Variants in PC observed in about 807,000 individuals in gnomAD.
PC encodes pyruvate carboxylase, mitochondrial.
PC carries 46 observed loss-of-function variants against 107.8 expected under a neutral mutation model. The ratio of observed to expected loss-of-function variants is 0.43; its 90% CI spans 0.34 to 0.55. PC has a LOEUF of 0.55. Ranked by LOEUF, PC falls within the 20% of genes least tolerant of loss-of-function variation. PC has a pLI of 0.04. For missense variants in PC, 1,241 were observed against 1,643.1 expected (o/e 0.76, Z 4.23); for synonymous variants, 662 against 684.7 (o/e 0.97, Z 0.52).
rs2135938236 is a variant in PC at position 66,870,913 on chromosome 11, C to T, written c.634-21G>A. Reference sequence around the variant, plus strand: ...AGCTCCTGCGAGGGCGGGCAGGGGCCAGCCAGACCTCAGACCCCACAGCGC... The same window carrying T: ...AGCTCCTGCGAGGGCGGGCAGGGGCTAGCCAGACCTCAGACCCCACAGCGC... On this transcript the variant is annotated intron_variant, in intron 7 of 22. Coordinates refer to ENST00000393960, the MANE Select transcript of PC (RefSeq NM_001040716.2). The surrounding 1 kb of genome is among the most constrained non-coding windows in gnomAD (Gnocchi z 6.1). The T allele has an allele frequency of 1.2e-6, 2 of 1,608,848 alleles. No individual in the cohort carries two copies.
rs767255097 is a variant in PC, at chr11:66,863,870, G to A, written c.1272C>T (p.Ser424=). 1.5e-5 allele frequency: 24 copies of A among 1,613,998 alleles called. No individual in the cohort carries two copies. The highest frequency in any genetic ancestry group is 1.6e-4 in the Middle Eastern group (1 of 6,084). The change falls in exon 12 of 23, where the codon TCC becomes TCT. Residue 424 remains serine (S), a synonymous_variant. Transcript: ENST00000393960. ...CGTGGGCAATGACTTTGACCAGCAG[G>A]GAGTCGTAGTGGGGCGAGATGACGG... ...QGAVISPHYD[S]LLVKVIAHGK...
intron 3 of PC, among the ~76,000 whole-genome samples, chr11:66,888,233 G>A (rs1301941315): frequency 6.6e-6 from 1 of 152,252 alleles, no homozygotes; most frequent in African/African-American, 2.4e-5. Context: ...GTCTTCAGCA[G>A]TGACATGGAG....
chr11:66,914,126 C>T (rs868843148), intron 3 of PC, among the ~76,000 whole-genome samples: 1 of 152,214 alleles, frequency 6.6e-6, no homozygotes, highest in Admixed American at 6.5e-5. Flanking sequence ...TTTCTCCCTA[C>T]TGGATAAAAC....
rs764650207 is a variant in PC at position 66,858,275 on chromosome 11, C to A, written c.1369-4892G>T. ...CTGCCCTGCACACCCTCAACCTGGA[C>A]CATAACCTTATTGACGCACTGCCCC... On this transcript the variant is annotated intron_variant, in intron 12 of 22. Transcript: ENST00000393960. The surrounding 1 kb of genome is among the most constrained non-coding windows in gnomAD (Gnocchi z 5.9). 1.9e-6 allele frequency: 3 copies of A among 1,612,142 alleles called. No homozygotes were observed. Among genetic ancestry groups the A allele is most frequent in the South Asian group, 2.2e-5 (2 of 91,086 alleles).
intron 16 of PC, 145 bp from the exon 17 acceptor site, chr11:66,851,425 G>C (rs113778313): frequency 1.1e-5 from 13 of 1,229,674 alleles, no homozygotes; most frequent in Non-Finnish European, 1.1e-5. Context: ...ATCCACAGGC[G>C]GGGGGTGGCC....
chr11:66,918,514 A>G (rs1407621636), intron 3 of PC, among the ~76,000 whole-genome samples: 1 of 151,634 alleles, frequency 6.6e-6, no homozygotes, highest in African/African-American at 2.4e-5. Flanking sequence ...CTGGGATTAC[A>G]TGCACGCGCC....
chr11:66,886,488 G>A (rs903092525), intron 3 of PC, among the ~76,000 whole-genome samples: 3 of 152,150 alleles, frequency 2.0e-5, no homozygotes, highest in African/African-American at 7.2e-5. Flanking sequence ...GGGGAAGCTG[G>A]ATTTGAGAAG....
chr11:66,915,283 C>T (rs926477299), intron 3 of PC, among the ~76,000 whole-genome samples: 3 of 152,192 alleles, frequency 2.0e-5, no homozygotes, highest in South Asian at 2.1e-4. Context: ...CTGCCTGCTG[C>T]GAGAGGCAGA....
intron 3 of PC, among the ~76,000 whole-genome samples, chr11:66,881,544 G>A (rs567589443): frequency 5.9e-5 from 9 of 152,336 alleles, no homozygotes; most frequent in South Asian, 2.1e-4. Flanking sequence ...GGGCCTGGCC[G>A]TCACCTGCCC....
intron 12 of PC, chr11:66,860,165 C>A: frequency 6.5e-7 from 1 of 1,547,548 alleles, no homozygotes; most frequent in East Asian, 2.4e-5. Context: ...TAGGAGGCAG[C>A]GCCGAGCGGC....
intron 3 of PC, among the ~76,000 whole-genome samples, chr11:66,928,248 G>A (rs938274676): frequency 1.6e-4 from 24 of 151,994 alleles, no homozygotes; most frequent in African/African-American, 4.4e-4. Context: ...TTAGCCAGGC[G>A]CGGTGGTGGA....
At chr11:66,854,712 C>T (rs770304093) in intron 12 of PC, among the ~76,000 whole-genome samples, 31 of 152,150 alleles carry the variant, frequency 2.0e-4, no homozygotes, top group Non-Finnish European at 3.5e-4. Flanking sequence ...CTCAAGGCCA[C>T]CCAGACTCCT....
intron 3 of PC, among the ~76,000 whole-genome samples, chr11:66,911,889 G>A (rs914983506): frequency 6.6e-5 from 10 of 151,952 alleles, no homozygotes; most frequent in South Asian, 2.1e-4. Context: ...AAAATTAGCC[G>A]GGTGTGGTGG....
At chr11:66,900,727 AATTT>A (rs1465615678) in intron 3 of PC, among the ~76,000 whole-genome samples, 1 of 152,120 alleles carries the variant, frequency 6.6e-6, no homozygotes, top group African/African-American at 2.4e-5. Flanking sequence ...ACTTTTATTA[AATTT>A]ATTCCCAAAT....
rs1209275462 is a variant in PC at position 66,866,362 on chromosome 11, G to A, written c.1023-13C>T. The stretch of plus-strand genomic sequence containing the variant: ...GACCAGGTCTACGCTGTAGGGCATT[G>A]GGGGGAGGGGGGAAAGGACGGGAGA... On this transcript the variant is annotated splice_polypyrimidine_tract_variant and intron_variant, in intron 10 of 22. Transcript: ENST00000393960. This position sits in a 1 kb window ranked among gnomAD's most constrained non-coding sequence, Gnocchi z 5.4. 6.2e-7 allele frequency: 1 copy of A among 1,602,062 alleles called. No homozygotes were observed. Among genetic ancestry groups the A allele is most frequent in the Admixed American group, 1.7e-5 (1 of 59,642 alleles).
At chr11:66,950,210 A>G (rs1321924749) in intron 3 of PC, among the ~76,000 whole-genome samples, 2 of 152,186 alleles carry the variant, frequency 1.3e-5, no homozygotes, top group Non-Finnish European at 1.5e-5. Context: ...GGTGACACAC[A>G]TCCCCAGAGA....
chr11:66,954,685 C>G (rs1949516764), intron 1 of PC, among the ~76,000 whole-genome samples: 1 of 152,194 alleles, frequency 6.6e-6, no homozygotes, highest in Admixed American at 6.5e-5. Context: ...TGGCTCACGC[C>G]TGTAATCCCA....
intron 9 of PC, 36 bp from the exon 10 acceptor site, chr11:66,869,000 G>A (rs1302379870): frequency 1.3e-6 from 2 of 1,513,478 alleles, no homozygotes; most frequent in Non-Finnish European, 1.8e-6. Context: ...GGAGGGCACA[G>A]GCAGGGCCTG....
At position 66,879,308 on chromosome 11, in the gene PC, C is replaced by G. The variant is rs147272081; in HGVS notation, c.1-7149G>C. On this transcript the variant is annotated intron_variant, in intron 3 of 22. Coordinates refer to ENST00000393960, the MANE Select transcript of PC (RefSeq NM_001040716.2). ...CATAGGGGAGCCAGCAGGTGTGATG[C>G]CCACATACACTTGGAGCAAACACAC... Among the ~76,000 whole-genome samples, 5 of 152,254 alleles carry G rather than the reference C, an allele frequency of 3.3e-5. No individual in the cohort carries two copies. The South Asian group carries it at 1.0e-3, about 32-fold the overall frequency.
Sources: gnomAD v4.1 joint callset for allele counts (sites outside exome capture counted in the v4.1 genomes callset) on GRCh38, gnomAD v4.1.1 for gene constraint, Gnocchi (gnomAD v3.1) non-coding constraint, MANE v1.5 for transcripts, NCBI Gene and HGNC (gene_info 2026-07-23, HGNC 2026-07-21) for gene names.